Variants in KIF20B observed in about 807,000 individuals in gnomAD.
KIF20B encodes kinesin-like protein KIF20B.
KIF20B carries 188 observed loss-of-function variants against 232.5 expected under a neutral mutation model. That is an observed-to-expected ratio of 0.81 (90% CI 0.72 to 0.91). The LOEUF is 0.91. Ranked by LOEUF, KIF20B falls within the 40% of genes least tolerant of loss-of-function variation. KIF20B has a pLI of 0.00. For synonymous variants in KIF20B, 712 were observed against 683.0 expected, an observed-to-expected ratio of 1.04 and a Z score of -0.66; for missense variants, 2,154 against 2,055.9, an observed-to-expected ratio of 1.05 and a Z score of -0.92.
intron 19 of KIF20B, among the ~76,000 whole-genome samples, chr10:89,736,015 G>A (rs10509579): frequency 0.31 from 47,443 of 152,024 alleles, 8,385 homozygotes; most frequent in African/African-American, 0.47. Context: ...TAATTAAACA[G>A]AAATGGTCAG....
At chr10:89,715,499 T>C (rs1842918437) in intron 8 of KIF20B, among the ~76,000 whole-genome samples, 1 of 152,218 alleles carries the variant, frequency 6.6e-6, no homozygotes, top group East Asian at 1.9e-4. Flanking sequence ...TATGAAATGT[T>C]ACTATTCTTC....
rs753840124 is a variant in KIF20B, at chr10:89,726,523, T to A, written c.2230+2T>A. 1 of 1,570,700 alleles carries A rather than the reference T, an allele frequency of 6.4e-7. No individual in the cohort carries two copies. The highest frequency in any genetic ancestry group is 1.4e-5 in the African/African-American group (1 of 73,042). On this transcript the variant is annotated splice_donor_variant, in intron 16 of 32. Coordinates refer to ENST00000371728, the MANE Select transcript of KIF20B (RefSeq NM_001284259.2). LOFTEE classifies it high-confidence loss of function. ...AAGAGTTAAAAAAGAGAGAAAATGG[T>A]AAGTGGATACATTTTACTTTTATTT...
intron 1 of KIF20B, among the ~76,000 whole-genome samples, chr10:89,703,486 T>A (rs532304867): frequency 6.6e-6 from 1 of 151,384 alleles, no homozygotes; most frequent in East Asian, 1.9e-4. Context: ...GAATGGGGAG[T>A]CGGGGAGGAA....
At position 89,762,783 on chromosome 10, in the gene KIF20B, T is replaced by C; in HGVS notation, c.4937T>C (p.Val1646Ala). The change falls in exon 29 of 33, where the codon GTG (valine) becomes GCG (alanine). Residue 1646 changes from valine (V) to alanine (A), a missense_variant. Coordinates refer to ENST00000371728, the MANE Select transcript of KIF20B (RefSeq NM_001284259.2). ...AAACACCCTGGTTGTACCACACCAG[T>C]GACAGTTAAGATTCCCAAGGCTCGG... ...AVKHPGCTTPVTVKIPKARKR... is the reference protein window; with the variant it reads ...AVKHPGCTTPATVKIPKARKR... 1 of 1,613,172 alleles carries C rather than the reference T, an allele frequency of 6.2e-7. No homozygotes were observed. The highest frequency in any genetic ancestry group is 8.5e-7 in the Non-Finnish European group (1 of 1,179,490).
intron 6 of KIF20B, among the ~76,000 whole-genome samples, chr10:89,711,431 GTTTT>G (rs1300754582): frequency 6.6e-6 from 1 of 152,012 alleles, no homozygotes; most frequent in Non-Finnish European, 1.5e-5. Context: ...TTAAAATTCT[GTTTT>G]TTAATTGTGA....
At chr10:89,729,049 G>A in intron 17 of KIF20B, 79 bp from the exon 18 acceptor site, 1 of 1,169,660 alleles carries the variant, frequency 8.5e-7, no homozygotes. Flanking sequence ...TTATAAAACT[G>A]TTTGCATTAT....
chr10:89,747,450 A>G (rs563548504), intron 23 of KIF20B, among the ~76,000 whole-genome samples: 136 of 152,172 alleles, frequency 8.9e-4, no homozygotes, highest in Non-Finnish European at 1.5e-3. Flanking sequence ...TGTTTATAGC[A>G]GCACTATTCA....
chr10:89,723,852 C>T, intron 13 of KIF20B, 112 bp from the exon 14 acceptor site: 3 of 872,884 alleles, frequency 3.4e-6, no homozygotes, highest in Admixed American at 4.1e-5. Context: ...TTAAAAAGGA[C>T]ACAGAATTAC....
chr10:89,710,919 C>T, intron 5 of KIF20B, 42 bp from the exon 6 acceptor site: 1 of 1,510,356 alleles, frequency 6.6e-7, no homozygotes, highest in Non-Finnish European at 8.9e-7. Flanking sequence ...TTCCTCTTTC[C>T]TAGTAGACTG....
intron 22 of KIF20B, among the ~76,000 whole-genome samples, chr10:89,745,404 TC>T (rs1300340415): frequency 6.6e-6 from 1 of 151,994 alleles, no homozygotes; most frequent in Non-Finnish European, 1.5e-5. Context: ...ACGCCTATAA[TC>T]CCAGTTACTC....
rs140671244 is a variant in KIF20B, at chr10:89,745,476, T to C, written c.4036-423T>C. Among the ~76,000 whole-genome samples the C allele has an allele frequency of 6.2e-4, 95 of 152,256 alleles. No individual in the cohort carries two copies. In the East Asian group the frequency reaches 0.017, roughly 27 times the overall value. On this transcript the variant is annotated intron_variant, in intron 22 of 32. Coordinates refer to ENST00000371728, the MANE Select transcript of KIF20B (RefSeq NM_001284259.2). ...AGGTGGAGGTTGCAGTGAGCCAAGA[T>C]TGCGCCACTGCGCTCCATCCTGGGT... is the stretch of plus-strand genomic sequence containing the variant.
At chr10:89,760,425 T>G in intron 27 of KIF20B, 101 bp from the exon 28 acceptor site, 2 of 713,824 alleles carry the variant, frequency 2.8e-6, no homozygotes, top group Non-Finnish European at 4.8e-6. Context: ...TTCCATTGTT[T>G]AGTTTCATAC....
intron 29 of KIF20B, among the ~76,000 whole-genome samples, chr10:89,765,089 G>C (rs1259769764): frequency 6.6e-6 from 1 of 151,600 alleles, no homozygotes; most frequent in Non-Finnish European, 1.5e-5. Flanking sequence ...TGTAAGGAAG[G>C]GATCCAGTTT....
At chr10:89,746,213 T>A (rs1841907256) in intron 23 of KIF20B, among the ~76,000 whole-genome samples, 1 of 152,164 alleles carries the variant, frequency 6.6e-6, no homozygotes, top group Admixed American at 6.5e-5. Context: ...ACAGGCGGCT[T>A]GTGTTAATCA....
At chr10:89,701,946 C>T (rs1170919692) in intron 1 of KIF20B, among the ~76,000 whole-genome samples, 5 of 152,226 alleles carry the variant, frequency 3.3e-5, no homozygotes, top group Non-Finnish European at 5.9e-5. Flanking sequence ...CATTTAATCT[C>T]TCTCTGTACC....
At chr10:89,753,281 G>A (rs368816528) in intron 25 of KIF20B, among the ~76,000 whole-genome samples, 1 of 152,034 alleles carries the variant, frequency 6.6e-6, no homozygotes, top group East Asian at 1.9e-4. Context: ...GAAGCTGTAG[G>A]ATTGAAGGAA....
Position 89,772,770 on chromosome 10 carries a change from G to A in KIF20B, c.5324G>A (p.Arg1775Gln), listed in dbSNP as rs769182388. The A allele has an allele frequency of 5.0e-6, 8 of 1,610,614 alleles. No homozygotes were observed. Among genetic ancestry groups the A allele is most frequent in the East Asian group, 2.2e-5 (1 of 44,658 alleles). The change falls in exon 32 of 33, where the codon CGA (arginine) becomes CAA (glutamine). Residue 1775 changes from arginine to glutamine, a missense_variant. Physicochemically the swap from Arg to Gln is conservative, Grantham distance 43 (BLOSUM62 1). Coordinates refer to ENST00000371728, the MANE Select transcript of KIF20B (RefSeq NM_001284259.2). Reference sequence around the variant, plus strand: ...AAAGAAAATGTGTCTCAACCAAAACGAGCCAAACGGAAATTATACACAAGT... The same window carrying A: ...AAAGAAAATGTGTCTCAACCAAAACAAGCCAAACGGAAATTATACACAAGT... ...ASKENVSQPK[R>Q]AKRKLYTSEI...
intron 29 of KIF20B, 37 bp from the exon 30 acceptor site, chr10:89,768,253 C>T: frequency 8.0e-7 from 1 of 1,256,518 alleles, no homozygotes; most frequent in Non-Finnish European, 1.1e-6. Context: ...AAAATATTGT[C>T]AAGAAATTAA....
Position 89,729,214 on chromosome 10 carries a change from A to G in KIF20B, c.2358A>G (p.Leu786=). ...ATACTATCAACGAATTTCAGAACCT[A>G]AAGTCTCATATGGAAAACACATTTA... ...KEDTINEFQN[L]KSHMENTFKC... is the part of the protein sequence containing the mutation. The change falls in exon 18 of 33, where the codon CTA becomes CTG. Residue 786 remains leucine, a synonymous_variant. Coordinates refer to ENST00000371728, the MANE Select transcript of KIF20B (RefSeq NM_001284259.2). 1.3e-6 allele frequency: 2 copies of G among 1,496,600 alleles called. No homozygotes were observed. Among genetic ancestry groups the G allele is most frequent in the East Asian group, 2.5e-5 (1 of 40,064 alleles). The allele number at this position is 1,496,600 out of a possible 1,614,324, so 92.7% of individuals were successfully genotyped here.
Sources: allele counts gnomAD v4.1 joint callset (sites outside exome capture counted in the v4.1 genomes callset), GRCh38; gene constraint gnomAD v4.1.1; transcripts MANE v1.5; gene names NCBI Gene and HGNC (gene_info 2026-07-23, HGNC 2026-07-21).